The following EXPH5 variants were observed in gnomAD, a reference collection of about 807,000 sequenced individuals.
EXPH5 encodes the protein exophilin 5.
In EXPH5, 42 loss-of-function variants were observed where a neutral mutation model predicts 41.1. The ratio of observed to expected loss-of-function variants is 1.02; its 90% CI spans 0.80 to 1.32. EXPH5 has a LOEUF of 1.32. Among genes scored for constraint, EXPH5 ranks in the 40% most tolerant of loss-of-function variants. The pLI, the probability that EXPH5 is intolerant of heterozygous loss-of-function variation, is 0.00. For synonymous variants in EXPH5, 798 were observed against 833.5 expected (o/e 0.96, Z 0.73); for missense variants, 2,298 against 2,314.5 (o/e 0.99, Z 0.15).
intron 4 of EXPH5, among the ~76,000 whole-genome samples, chr11:108,526,756 A>G (rs183534607): frequency 6.6e-6 from 1 of 152,214 alleles, no homozygotes; most frequent in African/African-American, 2.4e-5. Context: ...TCTAATCCTC[A>G]GTCTGCTATT....
rs1400274018 is a variant in EXPH5, at chr11:108,510,820, C to A, written c.4687G>T (p.Ala1563Ser). The A allele has an allele frequency of 2.8e-5, 45 of 1,614,052 alleles. No individual in the cohort carries two copies. Among genetic ancestry groups the A allele is most frequent in the Non-Finnish European group, 3.6e-5 (42 of 1,180,014 alleles). ...TCAGGAAGTGAAGGTTGATCCCAAG[C>A]TGACTTCTGCATTTCATCTTCAGCC... ...RKAEDEMQKS[A>S]WDQPSLPEGN... The change falls in exon 6 of 6, where the codon GCT (alanine) becomes TCT (serine). Residue 1563 changes from alanine to serine, a missense_variant. Transcript: ENST00000265843.
chr11:108,540,799 G>A (rs1306573152), intron 2 of EXPH5, among the ~76,000 whole-genome samples: 1 of 151,828 alleles, frequency 6.6e-6, no homozygotes, highest in African/African-American at 2.4e-5. Context: ...CTTCTCCTCT[G>A]ATCTCTGATT....
In EXPH5 at chr11:108,509,823, A is replaced by G. The variant is rs767117695; in HGVS notation, c.5684T>C (p.Leu1895Ser). The part of the protein sequence containing the change: ...DYGIFGKEQQ[L>S]AFLENVKRSL... ...CCTCTTTACATTTTCTAAGAAAGCT[A>G]ACTGTTGTTCTTTCCCAAAGATCCC... The change falls in exon 6 of 6, where the codon TTA becomes TCA. Residue 1895 changes from leucine (L) to serine (S), a missense_variant. Physicochemically the swap from Leu to Ser is moderately radical, Grantham distance 145 (BLOSUM62 -2). Coordinates refer to ENST00000265843, the MANE Select transcript of EXPH5 (RefSeq NM_015065.3). 2 of 1,613,680 alleles carry G rather than the reference A, an allele frequency of 1.2e-6. No individual in the cohort carries two copies. Among genetic ancestry groups the G allele is most frequent in the Non-Finnish European group, 1.7e-6 (2 of 1,179,900 alleles).
rs1349511049 is a variant in EXPH5 at position 108,513,979 on chromosome 11, T to A, written c.1528A>T (p.Ile510Phe). Reference sequence around the variant, plus strand: ...GATACACTATTTGCTTCCATGGAAATCATTTCAAAGTCTCTGTCAGAAGAA... The same window carrying A: ...GATACACTATTTGCTTCCATGGAAAACATTTCAAAGTCTCTGTCAGAAGAA... ...FSSSDRDFEM[I>F]SMEANSVSAI... Residue 510 changes from isoleucine (I) to phenylalanine (F), a missense_variant, in exon 6 of 6, where the codon ATT (isoleucine) becomes TTT (phenylalanine). Physicochemically the swap from Ile to Phe is conservative, Grantham distance 21. Transcript: ENST00000265843. 1 of 1,610,478 alleles carries A rather than the reference T, an allele frequency of 6.2e-7. No individual in the cohort carries two copies. The highest frequency in any genetic ancestry group is 8.5e-7 in the Non-Finnish European group (1 of 1,178,648).
At chr11:108,605,735 G>A in the EXPH5 span, among the ~76,000 whole-genome samples, 2 of 152,164 alleles carry the variant, frequency 1.3e-5, no homozygotes, top group African/African-American at 2.4e-5. Flanking sequence ...GATGCTTCAT[G>A]TGCTTGCCAT....
Position 108,511,802 on chromosome 11 carries a change from A to G in EXPH5, c.3705T>C (p.Phe1235=). ...TLHKVKTTST[F]SVSGDEDNVK... ...CATTATCTTCATCACCAGAAACAGA[A>G]AACGTACTAGTCGTCTTAACTTTAT... Residue 1235 remains phenylalanine, a synonymous_variant, in exon 6 of 6, where the codon TTT becomes TTC. Coordinates refer to ENST00000265843, the MANE Select transcript of EXPH5 (RefSeq NM_015065.3). 6.2e-7 allele frequency: 1 copy of G among 1,608,850 alleles called. No individual in the cohort carries two copies. The highest frequency in any genetic ancestry group is 1.7e-4 in the Middle Eastern group (1 of 6,012).
rs1215201541 is a variant in EXPH5 at position 108,508,191 on chromosome 11, A to AAAAAC, written c.*1341_*1345dup. On this transcript the variant is annotated 3_prime_UTR_variant, in exon 6 of 6. Coordinates refer to ENST00000265843, the MANE Select transcript of EXPH5 (RefSeq NM_015065.3). ...CAAGACTCCACCTCAAAACAAAAAC[A>AAAAAC]AAAACAAAACAAAACAAAAAAAGAC... 17 of 152,366 alleles carry AAAAAC rather than the reference A, an allele frequency of 1.1e-4. No individual in the cohort carries two copies. Among genetic ancestry groups the AAAAAC allele is most frequent in the African/African-American group, 3.4e-4 (14 of 41,278 alleles). 9.4% of individuals were successfully genotyped at this position (152,366 alleles called of 1,614,324 possible). A position where few individuals can be genotyped will look rare whatever the true frequency, so the allele number is the denominator to read the frequency against.
chr11:108,561,035 A>T (rs1179614513), intron 1 of EXPH5, among the ~76,000 whole-genome samples: 1 of 152,196 alleles, frequency 6.6e-6, no homozygotes, highest in Non-Finnish European at 1.5e-5. Flanking sequence ...TAATAATATA[A>T]CTAACATTGG....
At chr11:108,536,953 C>T (rs2093883778) in intron 3 of EXPH5, among the ~76,000 whole-genome samples, 1 of 152,184 alleles carries the variant, frequency 6.6e-6, no homozygotes, top group African/African-American at 2.4e-5. Flanking sequence ...CAAGTAGAAG[C>T]CTGACTGTTG....
chr11:108,576,657 A>G (rs1055503050), intron 1 of EXPH5, among the ~76,000 whole-genome samples: 4 of 152,218 alleles, frequency 2.6e-5, no homozygotes, highest in Admixed American at 2.6e-4. Flanking sequence ...TATTTAATAT[A>G]AGAATACAAT....
intron 1 of EXPH5, among the ~76,000 whole-genome samples, chr11:108,548,229 C>CTTTTTTTTTTTT (rs71050862): frequency 1.3e-5 from 2 of 150,264 alleles, no homozygotes; most frequent in Non-Finnish European, 1.5e-5. Flanking sequence ...AAGTTTTTGA[C>CTTTTTTTTTTTT]TTTTTTTTCT....
At chr11:108,569,849 C>T (rs937142689) in intron 1 of EXPH5, among the ~76,000 whole-genome samples, 1 of 136,006 alleles carries the variant, frequency 7.4e-6, no homozygotes, top group African/African-American at 2.7e-5. Flanking sequence ...GTGCCTAGAC[C>T]TCTGACTCCT....
At chr11:108,579,268 G>A (rs540568415) in intron 1 of EXPH5, among the ~76,000 whole-genome samples, 18 of 150,892 alleles carry the variant, frequency 1.2e-4, no homozygotes, top group African/African-American at 4.4e-4. Flanking sequence ...CTATTAAAAT[G>A]ATCATATGGT....
intron 3 of EXPH5, among the ~76,000 whole-genome samples, chr11:108,528,695 C>CTTT (rs58500316): frequency 9.9e-4 from 105 of 106,268 alleles, no homozygotes; most frequent in African/African-American, 2.2e-3. Context: ...TTTTCTTTCC[C>CTTT]TTTTTTTTTT....
At chr11:108,538,886 G>T in intron 3 of EXPH5, 138 bp downstream of exon 3, 1 of 733,476 alleles carries the variant, frequency 1.4e-6, no homozygotes, top group Non-Finnish European at 2.1e-6. Flanking sequence ...TGCAAGTTAA[G>T]TCCCATTTCC....
At chr11:108,587,639 A>AC (rs2094117162) in intron 1 of EXPH5, among the ~76,000 whole-genome samples, 1 of 152,238 alleles carries the variant, frequency 6.6e-6, no homozygotes. Context: ...CAAGTTATTT[A>AC]TTTTTTAAAA....
intron 1 of EXPH5, among the ~76,000 whole-genome samples, chr11:108,556,629 C>A (rs1170001299): frequency 1.3e-5 from 2 of 152,182 alleles, no homozygotes; most frequent in African/African-American, 2.4e-5. Flanking sequence ...GCATGCACAA[C>A]CACGCCCAGC....
intron 1 of EXPH5, among the ~76,000 whole-genome samples, chr11:108,571,921 G>A (rs1204394755): frequency 2.6e-5 from 4 of 151,976 alleles, no homozygotes; most frequent in South Asian, 2.1e-4. Flanking sequence ...GGTGGCGGGC[G>A]CCTGTAGTCC....
chr11:108,590,307 C>T (rs954475417), intron 1 of EXPH5, among the ~76,000 whole-genome samples: 12 of 152,204 alleles, frequency 7.9e-5, no homozygotes, highest in African/African-American at 2.9e-4. Context: ...GACATTTTCC[C>T]ATCTGTTATG....
Sources: allele counts gnomAD v4.1 joint callset (sites outside exome capture counted in the v4.1 genomes callset), GRCh38; gene constraint gnomAD v4.1.1; transcripts MANE v1.5; gene names NCBI Gene and HGNC (gene_info 2026-07-23, HGNC 2026-07-21).